Variants in CSNK2A2IP observed in about 807,000 individuals in gnomAD.
CSNK2A2IP encodes casein kinase 2 subunit alpha' interacting protein.
the CSNK2A2IP span, among the ~76,000 whole-genome samples, chr3:88,340,673 C>A: frequency 2.0e-5 from 3 of 151,920 alleles, no homozygotes; most frequent in Non-Finnish European, 2.9e-5. Flanking sequence ...TTTCTTTGAG[C>A]TTTAAGGGCT....
chr3:88,366,557 C>T, the CSNK2A2IP span, among the ~76,000 whole-genome samples: 3 of 151,972 alleles, frequency 2.0e-5, no homozygotes, highest in Non-Finnish European at 2.9e-5. Flanking sequence ...TGTCCCCTAC[C>T]ATGTTTATAT....
chr3:88,394,672 C>A, the CSNK2A2IP span, among the ~76,000 whole-genome samples: 2 of 152,196 alleles, frequency 1.3e-5, no homozygotes, highest in African/African-American at 2.4e-5. Flanking sequence ...GCACACACAG[C>A]CTTAATTTGC....
At chr3:88,376,236 C>T in the CSNK2A2IP span, among the ~76,000 whole-genome samples, 1 of 151,654 alleles carries the variant, frequency 6.6e-6, no homozygotes, top group Admixed American at 6.6e-5. Flanking sequence ...TTTCATTGTA[C>T]TCCTCTCCCA....
chr3:88,449,866 T>TAGAGAGAGAG, the CSNK2A2IP span, among the ~76,000 whole-genome samples: 6 of 69,602 alleles, frequency 8.6e-5, no homozygotes, highest in Non-Finnish European at 1.8e-4. Flanking sequence ...TATATATATA[T>TAGAGAGAGAG]ATATATATAG....
chr3:88,438,046 G>A, the CSNK2A2IP span, among the ~76,000 whole-genome samples: 415 of 152,202 alleles, frequency 2.7e-3, 1 homozygote, highest in African/African-American at 9.3e-3. Flanking sequence ...TTATTAATTT[G>A]CAAATTCGTG....
At chr3:88,387,880 AC>A in the CSNK2A2IP span, among the ~76,000 whole-genome samples, 1 of 152,080 alleles carries the variant, frequency 6.6e-6, no homozygotes, top group Non-Finnish European at 1.5e-5. Flanking sequence ...TCATGACACC[AC>A]ACCCAACTAA....
chr3:88,363,379 T>C, the CSNK2A2IP span, among the ~76,000 whole-genome samples: 1 of 152,210 alleles, frequency 6.6e-6, no homozygotes, highest in Non-Finnish European at 1.5e-5. Flanking sequence ...AGTTCTCATC[T>C]CTGGAAGTTA....
the CSNK2A2IP span, among the ~76,000 whole-genome samples, chr3:88,453,821 A>G: frequency 6.6e-6 from 1 of 152,052 alleles, no homozygotes; most frequent in South Asian, 2.1e-4. Context: ...TGGAACTACT[A>G]CAATTGGTTG....
the CSNK2A2IP span, among the ~76,000 whole-genome samples, chr3:88,462,210 G>C: frequency 8.6e-5 from 13 of 151,332 alleles, no homozygotes; most frequent in Non-Finnish European, 2.9e-5. Flanking sequence ...TTATTGGGAG[G>C]TCTTAAGTTT....
the CSNK2A2IP span, among the ~76,000 whole-genome samples, chr3:88,440,808 A>G: frequency 6.6e-6 from 1 of 152,146 alleles, no homozygotes; most frequent in Non-Finnish European, 1.5e-5. Flanking sequence ...TTATCTCAAC[A>G]TCTTTCTGTA....
the CSNK2A2IP span, among the ~76,000 whole-genome samples, chr3:88,462,936 G>A: frequency 1.3e-5 from 2 of 152,110 alleles, no homozygotes; most frequent in South Asian, 2.1e-4. Context: ...TTGGTACTTG[G>A]AAAATTCCAA....
the CSNK2A2IP span, among the ~76,000 whole-genome samples, chr3:88,431,730 G>A: frequency 6.6e-6 from 1 of 152,164 alleles, no homozygotes; most frequent in East Asian, 1.9e-4. Context: ...TGTGGGCACA[G>A]GTCTTCTGCC....
the CSNK2A2IP span, among the ~76,000 whole-genome samples, chr3:88,354,192 A>C: frequency 6.6e-6 from 1 of 152,174 alleles, no homozygotes; most frequent in South Asian, 2.1e-4. Context: ...CTGCGAACTA[A>C]ATAAACTTCT....
chr3:88,423,843 GC>G, the CSNK2A2IP span, among the ~76,000 whole-genome samples: 1 of 152,150 alleles, frequency 6.6e-6, no homozygotes, highest in South Asian at 2.1e-4. Context: ...AACCTGACCA[GC>G]ATCTTGGTGA....
chr3:88,411,730 TG>T, the CSNK2A2IP span, among the ~76,000 whole-genome samples: 1 of 151,764 alleles, frequency 6.6e-6, no homozygotes, highest in Non-Finnish European at 1.5e-5. Flanking sequence ...TGCTAAATAC[TG>T]CTGATGAAAA....
the CSNK2A2IP span, among the ~76,000 whole-genome samples, chr3:88,359,818 A>G: frequency 6.6e-6 from 1 of 152,120 alleles, no homozygotes; most frequent in Non-Finnish European, 1.5e-5. Context: ...CCTTGTGCTG[A>G]GAAGAATAAT....
chr3:88,442,227 A>G, the CSNK2A2IP span, among the ~76,000 whole-genome samples: 1 of 152,048 alleles, frequency 6.6e-6, no homozygotes, highest in East Asian at 1.9e-4. Context: ...CTTTTTAGTG[A>G]CAGGGTCTCA....
At chr3:88,434,470 A>G in the CSNK2A2IP span, among the ~76,000 whole-genome samples, 5 of 152,182 alleles carry the variant, frequency 3.3e-5, no homozygotes, top group Non-Finnish European at 7.3e-5. Context: ...ATTCCAAGCT[A>G]AAGTTAGGAT....
At chr3:88,448,701 T>C in the CSNK2A2IP span, among the ~76,000 whole-genome samples, 1 of 152,210 alleles carries the variant, frequency 6.6e-6, no homozygotes, top group Non-Finnish European at 1.5e-5. Flanking sequence ...TTTTGCCACT[T>C]GGAGGTGTTA....
Sources: gnomAD v4.1 joint callset for allele counts (sites outside exome capture counted in the v4.1 genomes callset) on GRCh38, gnomAD v4.1.1 for gene constraint, MANE v1.5 for transcripts, NCBI Gene and HGNC (gene_info 2026-07-23, HGNC 2026-07-21) for gene names.